Variants in LTBP1 observed in about 807,000 individuals in gnomAD.
LTBP1 encodes latent-transforming growth factor beta-binding protein 1.
In LTBP1, 129 loss-of-function variants were observed where a neutral mutation model predicts 207.6. That is an observed-to-expected ratio of 0.62 (90% CI 0.54 to 0.72). The LOEUF is 0.72. Among genes scored for constraint, LTBP1 ranks in the 30% least tolerant of loss-of-function variants. The probability of loss-of-function intolerance (pLI) is 0.00; values close to 1 mark genes in which losing one functional copy is unlikely to be tolerated. For synonymous variants in LTBP1, 963 were observed against 833.7 expected, an observed-to-expected ratio of 1.16 and a Z score of -2.67; for missense variants, 2,281 against 2,217.2, an observed-to-expected ratio of 1.03 and a Z score of -0.58.
At chr2:33,079,364 T>A (rs75085792) in intron 3 of LTBP1, among the ~76,000 whole-genome samples, 4 of 152,174 alleles carry the variant, frequency 2.6e-5, no homozygotes, top group Non-Finnish European at 5.9e-5. Flanking sequence ...TTTCTGGATG[T>A]TTCCAGCTGT....
At chr2:33,156,627 G>A (rs868298463) in intron 5 of LTBP1, among the ~76,000 whole-genome samples, 1 of 152,108 alleles carries the variant, frequency 6.6e-6, no homozygotes, top group African/African-American at 2.4e-5. Flanking sequence ...TATTGTTACT[G>A]TTAATTGCTT....
At position 33,293,168 on chromosome 2, in the gene LTBP1, G is replaced by A. The variant is rs139770281; in HGVS notation, c.3121G>A (p.Glu1041Lys). ...GWNGQCLDVD[E>K]CLEPNVCANG... Reference sequence around the variant, plus strand: ...ACGCAACATTCTTCAAGATGTGGACGAGTGCCTGGAACCAAACGTCTGCGC... The same window carrying A: ...ACGCAACATTCTTCAAGATGTGGACAAGTGCCTGGAACCAAACGTCTGCGC... Residue 1041 changes from glutamate (E) to lysine (K), a missense_variant, in exon 20 of 34, where the codon GAG becomes AAG. This residue lies in a region of LTBP1 where 1,671 missense variants were observed against 1,634.8 expected (regional missense o/e 1.02). Coordinates refer to ENST00000404816, the MANE Select transcript of LTBP1 (RefSeq NM_206943.4). 4.3e-6 allele frequency: 7 copies of A among 1,612,522 alleles called. No individual in the cohort carries two copies. Among genetic ancestry groups the A allele is most frequent in the Non-Finnish European group, 5.1e-6 (6 of 1,179,586 alleles).
intron 2 of LTBP1, among the ~76,000 whole-genome samples, chr2:32,975,233 G>A (rs941983797): frequency 4.6e-5 from 7 of 152,258 alleles, no homozygotes; most frequent in Admixed American, 4.6e-4. Context: ...GACAGTATTT[G>A]CTGACAGGTA....
chr2:33,282,037 AAATG>A (rs1409280377), intron 19 of LTBP1, among the ~76,000 whole-genome samples: 6 of 147,170 alleles, frequency 4.1e-5, no homozygotes, highest in Admixed American at 3.4e-4. Flanking sequence ...AAATAATACT[AAATG>A]AATTCTTATA....
intron 31 of LTBP1, among the ~76,000 whole-genome samples, chr2:33,386,566 T>G (rs2095267054): frequency 6.6e-6 from 1 of 152,250 alleles, no homozygotes; most frequent in Non-Finnish European, 1.5e-5. Context: ...AGCTCGCACC[T>G]GTAATCCCAG....
intron 18 of LTBP1, among the ~76,000 whole-genome samples, chr2:33,277,813 T>TCTCTCTCTC (rs1558933843): frequency 4.5e-4 from 32 of 71,696 alleles, no homozygotes; most frequent in African/African-American, 6.4e-4. Context: ...CTCTTTCTTT[T>TCTCTCTCTC]TTTCTTTCTT....
intron 11 of LTBP1, among the ~76,000 whole-genome samples, chr2:33,254,852 G>T (rs868128547): frequency 0.073 from 746 of 10,258 alleles, 3 homozygotes; most frequent in Middle Eastern, 0.25. Flanking sequence ...GCGGTGTTTG[G>T]TTTTTTTTTT....
chr2:33,109,189 T>TA (rs1380610072), intron 3 of LTBP1, among the ~76,000 whole-genome samples: 1 of 152,248 alleles, frequency 6.6e-6, no homozygotes, highest in African/African-American at 2.4e-5. Flanking sequence ...ATGAATCTGA[T>TA]AGAGTGAGAC....
At chr2:33,332,519 A>G (rs1317603682) in intron 24 of LTBP1, among the ~76,000 whole-genome samples, 3 of 151,610 alleles carry the variant, frequency 2.0e-5, no homozygotes, top group Non-Finnish European at 4.4e-5. Flanking sequence ...ATTTCTTAAT[A>G]GTTTTTAGCA....
At chr2:33,016,858 A>T (rs938433224) in intron 2 of LTBP1, among the ~76,000 whole-genome samples, 3 of 152,130 alleles carry the variant, frequency 2.0e-5, no homozygotes, top group Non-Finnish European at 4.4e-5. Flanking sequence ...CCCTATCTCT[A>T]CTAAAAATAC....
intron 27 of LTBP1, 95 bp downstream of exon 27, chr2:33,360,874 A>C: frequency 9.2e-7 from 1 of 1,081,100 alleles, no homozygotes; most frequent in Non-Finnish European, 1.4e-6. Context: ...CAGCCAACTC[A>C]AGGCGACTTA....
intron 3 of LTBP1, among the ~76,000 whole-genome samples, chr2:33,106,032 T>G (rs2080046944): frequency 6.6e-6 from 1 of 152,222 alleles, no homozygotes; most frequent in Non-Finnish European, 1.5e-5. Flanking sequence ...TTCAACAATG[T>G]TCACAGCATC....
chr2:33,317,747 G>A (rs1013023970), intron 24 of LTBP1: 3 of 152,168 alleles, frequency 2.0e-5, no homozygotes, highest in Non-Finnish European at 2.9e-5. Flanking sequence ...TGACCTGCCC[G>A]GCTCTAAGCA....
chr2:33,044,421 A>G (rs554533180), intron 3 of LTBP1, among the ~76,000 whole-genome samples: 4 of 152,304 alleles, frequency 2.6e-5, no homozygotes, highest in African/African-American at 7.2e-5. Context: ...AGCTTCAGCC[A>G]TGTCCCTGCA....
At chr2:33,005,758 T>C (rs1488125824) in intron 2 of LTBP1, among the ~76,000 whole-genome samples, 1 of 152,094 alleles carries the variant, frequency 6.6e-6, no homozygotes, top group Non-Finnish European at 1.5e-5. Context: ...GGCTAATTTT[T>C]GTATTTTTAG....
At chr2:33,097,985 G>T (rs2079487450) in intron 3 of LTBP1, among the ~76,000 whole-genome samples, 1 of 152,096 alleles carries the variant, frequency 6.6e-6, no homozygotes, top group African/African-American at 2.4e-5. Flanking sequence ...TGATTAGTAG[G>T]TCAATGAGTA....
At chr2:32,991,192 C>A (rs1454314) in intron 2 of LTBP1, among the ~76,000 whole-genome samples, 17,350 of 152,156 alleles carry the variant, frequency 0.11, 1,113 homozygotes, top group African/African-American at 0.14. Flanking sequence ...ATATGTTTCT[C>A]TTTTAATAAA....
intron 3 of LTBP1, among the ~76,000 whole-genome samples, chr2:33,026,928 G>A (rs56089879): frequency 0.11 from 17,300 of 152,196 alleles, 1,102 homozygotes; most frequent in Middle Eastern, 0.14. Flanking sequence ...CTTGTTCTTA[G>A]ACTCAGCCAT....
chr2:33,312,949 TTCC>T (rs199801513), intron 23 of LTBP1, among the ~76,000 whole-genome samples: 2,736 of 152,286 alleles, frequency 0.018, 98 homozygotes, highest in African/African-American at 0.062. Context: ...TGCCACCTTC[TTCC>T]TCAGATAGAG....
Sources: allele counts gnomAD v4.1 joint callset (sites outside exome capture counted in the v4.1 genomes callset), GRCh38; gene constraint gnomAD v4.1.1; regional missense constraint gnomAD v4.1.1; transcripts MANE v1.5; gene names NCBI Gene and HGNC (gene_info 2026-07-23, HGNC 2026-07-21).